RNF144B: variants seen among roughly 807,000 people sequenced by gnomAD.
RNF144B encodes ring finger protein 144B.
RNF144B carries 25 observed loss-of-function variants against 40.2 expected under a neutral mutation model. The observed-to-expected ratio is 0.62, with a 90% confidence interval of 0.45 to 0.87. RNF144B has a LOEUF of 0.87. RNF144B is among the 40% of genes least tolerant of loss of function. RNF144B has a pLI of 0.00. For missense variants in RNF144B, 365 were observed against 373.7 expected (o/e 0.98, Z 0.19); for synonymous variants, 145 against 136.3 (o/e 1.06, Z -0.44).
chr6:18,396,280 A>G (rs915791471), intron 1 of RNF144B: 2 of 568,556 alleles, frequency 3.5e-6, no homozygotes, highest in Admixed American at 1.3e-4. Flanking sequence ...TCCATTATGG[A>G]TAATAATTGA....
At chr6:18,388,361 T>A (rs1353276417) in intron 1 of RNF144B, among the ~76,000 whole-genome samples, 9 of 152,304 alleles carry the variant, frequency 5.9e-5, no homozygotes, top group African/African-American at 2.2e-4. Flanking sequence ...TATTTGAACA[T>A]TGAGAGGTAT....
In RNF144B at chr6:18,460,988, A is replaced by C. The variant is rs529545880; in HGVS notation, c.681+1237A>C. On this transcript the variant is annotated intron_variant, in intron 6 of 7. Coordinates refer to ENST00000259939, the MANE Select transcript of RNF144B (RefSeq NM_182757.4). The surrounding 1 kb of genome is among the most constrained non-coding windows in gnomAD (Gnocchi z 4.4). ...ATTCTTTTCTCAGCTCTTTGTTTTGATTGCTTGATTTGCTTTAATTCAACA... is the reference window on the plus strand; with the variant it reads ...ATTCTTTTCTCAGCTCTTTGTTTTGCTTGCTTGATTTGCTTTAATTCAACA... Among the ~76,000 whole-genome samples the C allele has an allele frequency of 6.6e-6, 1 of 152,220 alleles. No individual in the cohort carries two copies. Among genetic ancestry groups the C allele is most frequent in the South Asian group, 2.1e-4 (1 of 4,826 alleles).
At chr6:18,421,281 C>T (rs1214184331) in intron 2 of RNF144B, among the ~76,000 whole-genome samples, 8 of 59,916 alleles carry the variant, frequency 1.3e-4, no homozygotes, top group African/African-American at 3.3e-4. Flanking sequence ...TATACACACA[C>T]ACACACACAC....
rs543648720 is a variant in RNF144B, at chr6:18,432,525, A to T, written c.270+4840A>T. 6.4e-4 allele frequency among the ~76,000 whole-genome samples: 97 copies of T among 152,370 alleles called. 1 individual carries two copies. The highest frequency in any genetic ancestry group is 2.3e-3 in the African/African-American group (95 of 41,586). On this transcript the variant is annotated intron_variant, in intron 3 of 7. Coordinates refer to ENST00000259939, the MANE Select transcript of RNF144B (RefSeq NM_182757.4). ...CATGAAATTATGAGAGGCAGGACAC[A>T]GATTGTTTATTCCAATAGCATTACT...
chr6:18,458,435 G>A lies in RNF144B; in HGVS notation c.536+1076G>A, dbSNP rs745994563. Among the ~76,000 whole-genome samples, 5 of 152,170 alleles carry A rather than the reference G, an allele frequency of 3.3e-5. No individual in the cohort carries two copies. Among genetic ancestry groups the A allele is most frequent in the African/African-American group, 1.2e-4 (5 of 41,438 alleles). ...ATGAATAGTAATGCTACTTGGCTAC[G>A]ATGCTGTGCTTGAATCTCAGAACAA... On this transcript the variant is annotated intron_variant, in intron 5 of 7. Coordinates refer to ENST00000259939, the MANE Select transcript of RNF144B (RefSeq NM_182757.4). This position sits in a 1 kb window ranked among gnomAD's most constrained non-coding sequence, Gnocchi z 4.8.
chr6:18,387,645 C>G lies in RNF144B; in HGVS notation c.-37+15C>G, dbSNP rs764090297. 3 of 1,294,248 alleles carry G rather than the reference C, an allele frequency of 2.3e-6. No individual in the cohort carries two copies. The highest frequency in any genetic ancestry group is 1.5e-5 in the African/African-American group (1 of 66,194). 80.2% of individuals were successfully genotyped at this position (1,294,248 alleles called of 1,614,324 possible). A position where few individuals can be genotyped will look rare whatever the true frequency, so the allele number is the denominator to read the frequency against. On this transcript the variant is annotated intron_variant, in intron 1 of 7. Coordinates refer to ENST00000259939, the MANE Select transcript of RNF144B (RefSeq NM_182757.4). ...TCTGCTGCCAGGTAGGTTTAGCGAGCTTTTTAAAGGCTACAGGCGTTGCAA... is the reference window on the plus strand; with the variant it reads ...TCTGCTGCCAGGTAGGTTTAGCGAGGTTTTTAAAGGCTACAGGCGTTGCAA...
At chr6:18,387,811 A>G (rs534877712) in intron 1 of RNF144B, among the ~76,000 whole-genome samples, 181 bp downstream of exon 1, 1 of 152,324 alleles carries the variant, frequency 6.6e-6, no homozygotes, top group African/African-American at 2.4e-5. Flanking sequence ...GTTAACTTAG[A>G]AGAAAAATGC....
chr6:18,396,639 T>A, intron 1 of RNF144B: 2 of 985,338 alleles, frequency 2.0e-6, no homozygotes, highest in Non-Finnish European at 2.4e-6. Flanking sequence ...TTGTTTTACT[T>A]GGGATTTCTC....
intron 3 of RNF144B, among the ~76,000 whole-genome samples, chr6:18,435,227 A>G (rs1173141183): frequency 1.3e-5 from 2 of 152,226 alleles, no homozygotes; most frequent in African/African-American, 4.8e-5. Context: ...GAAGTAGCAA[A>G]AATTAACTTT....
rs1758446201 is a variant in RNF144B at position 18,422,412 on chromosome 6, T to C, written c.166-5169T>C. On this transcript the variant is annotated intron_variant, in intron 2 of 7. Coordinates refer to ENST00000259939, the MANE Select transcript of RNF144B (RefSeq NM_182757.4). This position sits in a 1 kb window ranked among gnomAD's most constrained non-coding sequence, Gnocchi z 4.7. The stretch of plus-strand genomic sequence containing the variant: ...ATGTTAGTCTACATTTTATGGAATA[T>C]GTACTTCAGTGTTTGCATTGTACCT... 6.6e-6 allele frequency among the ~76,000 whole-genome samples: 1 copy of C among 152,314 alleles called. No individual in the cohort carries two copies. Among genetic ancestry groups the C allele is most frequent in the East Asian group, 1.9e-4 (1 of 5,168 alleles).
rs373646672 is a variant in RNF144B, at chr6:18,399,673, G to T, written c.139G>T (p.Glu47Ter). The T allele has an allele frequency of 6.2e-7, 1 of 1,613,856 alleles. No homozygotes were observed. The highest frequency in any genetic ancestry group is 1.3e-5 in the African/African-American group (1 of 74,900). The change falls in exon 2 of 8, where the codon GAA becomes TAA. Residue 47 changes from glutamate (E) to a stop codon, truncating the protein, a stop_gained. Coordinates refer to ENST00000259939, the MANE Select transcript of RNF144B (RefSeq NM_182757.4). LOFTEE classifies it high-confidence loss of function. Reference sequence around the variant, plus strand: ...TCTGGACAAGATGACCACACTCCAGGAATGCCAGTGCATCTTTTGCACAGC... The same window carrying T: ...TCTGGACAAGATGACCACACTCCAGTAATGCCAGTGCATCTTTTGCACAGC... ...QSLDKMTTLQECQCIFCTACL... is the reference protein window; with the variant it reads ...QSLDKMTTLQ
In RNF144B at chr6:18,410,109, T is replaced by C. The variant is rs1795005321; in HGVS notation, c.165+10410T>C. Among the ~76,000 whole-genome samples the C allele has an allele frequency of 6.6e-6, 1 of 152,212 alleles. No individual in the cohort carries two copies. The highest frequency in any genetic ancestry group is 2.1e-4 in the South Asian group (1 of 4,836). On this transcript the variant is annotated intron_variant, in intron 2 of 7. Transcript: ENST00000259939. The surrounding 1 kb of genome is among the most constrained non-coding windows in gnomAD (Gnocchi z 4.6). ...CAGAATGTAATAGGCTGGCCAAACATGCAAATCATGACCAGAGAGCAGGCA... is the reference window on the plus strand; with the variant it reads ...CAGAATGTAATAGGCTGGCCAAACACGCAAATCATGACCAGAGAGCAGGCA...
At position 18,447,706 on chromosome 6, in the gene RNF144B, A is replaced by G. The variant is rs139228725; in HGVS notation, c.331+7962A>G. On this transcript the variant is annotated intron_variant, in intron 4 of 7. Transcript: ENST00000259939. The surrounding 1 kb of genome is among the most constrained non-coding windows in gnomAD (Gnocchi z 5.6). ...TGTCAGGATTTCCTGGTAGAGATAC[A>G]TCTGGATTATATGAGTCAGGATCAG... is the stretch of plus-strand genomic sequence containing the variant. Among the ~76,000 whole-genome samples the G allele has an allele frequency of 8.1e-4, 124 of 152,300 alleles. No individual in the cohort carries two copies. The highest frequency in any genetic ancestry group is 2.9e-3 in the African/African-American group (122 of 41,564).
intron 7 of RNF144B, 100 bp downstream of exon 7, chr6:18,463,480 C>A (rs902401299): frequency 1.3e-6 from 1 of 744,906 alleles, no homozygotes. Context: ...TGGGAGGTAC[C>A]ATCCCAGCCT....
intron 4 of RNF144B, among the ~76,000 whole-genome samples, chr6:18,451,626 T>C (rs954124788): frequency 6.6e-6 from 1 of 152,178 alleles, no homozygotes; most frequent in Non-Finnish European, 1.5e-5. Context: ...AATGTGACTA[T>C]AGAGGGATGT....
At chr6:18,427,790 AGAG>A (rs1758596866) in intron 3 of RNF144B, 105 bp downstream of exon 3, 1 of 739,256 alleles carries the variant, frequency 1.4e-6, no homozygotes, top group Non-Finnish European at 2.2e-6. Flanking sequence ...AAGAAAATAC[AGAG>A]GTTAACTTTT....
Position 18,459,519 on chromosome 6 carries a change from G to C in RNF144B, c.537-88G>C. The stretch of plus-strand genomic sequence containing the variant: ...GGAAGTGAATTAAGCATGGATAACT[G>C]TGAGTTCATTATCTAACCATCAGGA... On this transcript the variant is annotated intron_variant, in intron 5 of 7. Transcript: ENST00000259939. This position sits in a 1 kb window ranked among gnomAD's most constrained non-coding sequence, Gnocchi z 4.2. The C allele has an allele frequency of 7.4e-7, 1 of 1,346,424 alleles. No individual in the cohort carries two copies. Among genetic ancestry groups the C allele is most frequent in the Non-Finnish European group, 1.0e-6 (1 of 962,870 alleles). 83.4% of individuals were successfully genotyped at this position (1,346,424 alleles called of 1,614,324 possible).
intron 2 of RNF144B, among the ~76,000 whole-genome samples, chr6:18,408,682 T>A (rs1203067979): frequency 6.6e-6 from 1 of 152,092 alleles, no homozygotes; most frequent in Non-Finnish European, 1.5e-5. Flanking sequence ...CCTTCCTACC[T>A]TGAGAGTACC....
Position 18,443,974 on chromosome 6 carries a change from G to A in RNF144B, c.331+4230G>A, listed in dbSNP as rs780382885. ...GAGATTGCTGCTGCTCTGGAAAAACGTAGAATCAGAGTAGATGCAGTACTA... is the reference window on the plus strand; with the variant it reads ...GAGATTGCTGCTGCTCTGGAAAAACATAGAATCAGAGTAGATGCAGTACTA... On this transcript the variant is annotated intron_variant, in intron 4 of 7. Coordinates refer to ENST00000259939, the MANE Select transcript of RNF144B (RefSeq NM_182757.4). This position sits in a 1 kb window ranked among gnomAD's most constrained non-coding sequence, Gnocchi z 4.7. Among the ~76,000 whole-genome samples, 3 of 152,120 alleles carry A rather than the reference G, an allele frequency of 2.0e-5. No homozygotes were observed. Among genetic ancestry groups the A allele is most frequent in the African/African-American group, 4.8e-5 (2 of 41,426 alleles).
Sources: allele counts gnomAD v4.1 joint callset (sites outside exome capture counted in the v4.1 genomes callset), GRCh38; gene constraint gnomAD v4.1.1; non-coding constraint Gnocchi (gnomAD v3.1); transcripts MANE v1.5; gene names NCBI Gene and HGNC (gene_info 2026-07-23, HGNC 2026-07-21).